TENM2: variants seen among roughly 807,000 people sequenced by gnomAD.
TENM2 encodes the protein teneurin transmembrane protein 2.
TENM2 carries 52 observed loss-of-function variants against 245.2 expected under a neutral mutation model. The observed-to-expected ratio is 0.21, with a 90% CI of 0.17 to 0.27. The LOEUF is 0.27. Among genes scored for constraint, TENM2 ranks in the 10% least tolerant of loss-of-function variants. The pLI is 1.00. For missense variants in TENM2, 3,046 were observed against 3,666.8 expected (o/e 0.83, Z 4.37); for synonymous variants, 1,363 against 1,438.9 (o/e 0.95, Z 1.19).
chr5:167,434,531 T>C (rs938187166), intron 2 of TENM2, among the ~76,000 whole-genome samples: 2 of 151,804 alleles, frequency 1.3e-5, no homozygotes, highest in Non-Finnish European at 1.5e-5. Context: ...CAAATTGTTT[T>C]CAAAATAAGT....
intron 9 of TENM2, among the ~76,000 whole-genome samples, chr5:168,115,583 G>A (rs10073793): frequency 0.84 from 128,253 of 152,090 alleles, 54,321 homozygotes; most frequent in East Asian, 0.97. Flanking sequence ...TCTGCCATCC[G>A]TGACAGCCCA....
chr5:167,929,460 G>A (rs1240802873), intron 3 of TENM2, among the ~76,000 whole-genome samples: 3 of 152,082 alleles, frequency 2.0e-5, no homozygotes, highest in Non-Finnish European at 4.4e-5. Context: ...AGAATACCCT[G>A]CACATTCCCT....
chr5:168,086,439 A>G (rs1406528677), intron 7 of TENM2, among the ~76,000 whole-genome samples: 1 of 152,144 alleles, frequency 6.6e-6, no homozygotes, highest in Non-Finnish European at 1.5e-5. Context: ...CAGCCTTCAC[A>G]TTGCATGCCA....
the TENM2 span, among the ~76,000 whole-genome samples, chr5:167,222,334 G>C: frequency 6.6e-6 from 1 of 152,078 alleles, no homozygotes; most frequent in Non-Finnish European, 1.5e-5. Context: ...AAAACGCAAT[G>C]GTCAGAAGTA....
chr5:167,973,720 C>T (rs560268962), intron 4 of TENM2, among the ~76,000 whole-genome samples: 15 of 152,052 alleles, frequency 9.9e-5, no homozygotes, highest in East Asian at 5.9e-4. Context: ...AGGAAAAGGC[C>T]GGAAGAGCAA....
At chr5:167,574,865 A>G (rs1037565064) in intron 2 of TENM2, among the ~76,000 whole-genome samples, 3 of 152,134 alleles carry the variant, frequency 2.0e-5, no homozygotes, top group Non-Finnish European at 4.4e-5. Flanking sequence ...TTTGTGTGCT[A>G]TGAGAGTTGT....
At chr5:167,443,109 T>C (rs1764961457) in intron 2 of TENM2, among the ~76,000 whole-genome samples, 1 of 152,190 alleles carries the variant, frequency 6.6e-6, no homozygotes, top group African/African-American at 2.4e-5. Flanking sequence ...AAGGAGATGA[T>C]GATAAGGTTT....
At chr5:166,980,951 G>A in the TENM2 span, among the ~76,000 whole-genome samples, 446 of 152,220 alleles carry the variant, frequency 2.9e-3, 3 homozygotes, top group African/African-American at 9.7e-3. Flanking sequence ...CCAAGAATAC[G>A]TTTGCAATAA....
intron 2 of TENM2, among the ~76,000 whole-genome samples, chr5:167,469,918 T>A (rs1292130416): frequency 6.6e-6 from 1 of 152,308 alleles, no homozygotes; most frequent in South Asian, 2.1e-4. Context: ...CATAATCTTA[T>A]AAATTTACCA....
At chr5:167,575,118 G>A (rs200701639) in intron 2 of TENM2, among the ~76,000 whole-genome samples, 470 of 131,840 alleles carry the variant, frequency 3.6e-3, no homozygotes, top group Non-Finnish European at 4.3e-3. Context: ...ATTTGAGAAA[G>A]AAAAAAAAAA....
chr5:167,510,521 A>G (rs12659637), intron 2 of TENM2, among the ~76,000 whole-genome samples: 17,077 of 152,120 alleles, frequency 0.11, 1,070 homozygotes, highest in East Asian at 0.23. Flanking sequence ...TTTATACCAT[A>G]AGTGTTTCTC....
chr5:167,547,872 A>G (rs1273418945), intron 2 of TENM2, among the ~76,000 whole-genome samples: 3 of 152,252 alleles, frequency 2.0e-5, no homozygotes, highest in Admixed American at 2.0e-4. Flanking sequence ...AAAGGTGGAG[A>G]CAAGGATAGG....
At chr5:168,123,216 T>C (rs1278221774) in intron 10 of TENM2, among the ~76,000 whole-genome samples, 1 of 151,968 alleles carries the variant, frequency 6.6e-6, no homozygotes, top group African/African-American at 2.4e-5. Context: ...GTAGGATCAC[T>C]TGAGCTCAGG....
At chr5:167,956,231 A>G (rs1200284644) in intron 4 of TENM2, among the ~76,000 whole-genome samples, 6 of 152,116 alleles carry the variant, frequency 3.9e-5, no homozygotes, top group Non-Finnish European at 2.9e-5. Context: ...CTTTGTAGCA[A>G]TTGTGAATGG....
intron 2 of TENM2, among the ~76,000 whole-genome samples, chr5:167,428,109 T>C (rs1763989058): frequency 6.6e-6 from 1 of 152,230 alleles, no homozygotes; most frequent in South Asian, 2.1e-4. Flanking sequence ...GCAAGTCTTT[T>C]ACTATCTCAA....
At chr5:167,515,684 GAGAGGGAGTCTTGCTC>G (rs1770332666) in intron 2 of TENM2, among the ~76,000 whole-genome samples, 1 of 38,012 alleles carries the variant, frequency 2.6e-5, no homozygotes, top group African/African-American at 9.0e-5. Flanking sequence ...TATATATTTT[GAGAGGGAGTCTTGCTC>G]TGTTGCCCAG....
At chr5:167,533,431 CTTTG>C (rs576094744) in intron 2 of TENM2, among the ~76,000 whole-genome samples, 7 of 151,808 alleles carry the variant, frequency 4.6e-5, no homozygotes, top group South Asian at 2.1e-4. Flanking sequence ...GGTTGTTTTT[CTTTG>C]TTTGTTTGTT....
intron 27 of TENM2, among the ~76,000 whole-genome samples, chr5:168,250,158 GGATGGATGGATGGGTAAATA>G (rs1172911294): frequency 8.4e-6 from 1 of 118,954 alleles, no homozygotes; most frequent in African/African-American, 4.0e-5. Flanking sequence ...ATGGATGGAT[GGATGGATGGATGGGTAAATA>G]GATGGATAAA....
chr5:167,496,548 A>G (rs2127550432), intron 2 of TENM2, among the ~76,000 whole-genome samples: 1 of 152,224 alleles, frequency 6.6e-6, no homozygotes, highest in East Asian at 1.9e-4. Context: ...ATGATTTTAG[A>G]AGGGTATCCA....
Sources: gnomAD v4.1 joint callset for allele counts (sites outside exome capture counted in the v4.1 genomes callset) on GRCh38, gnomAD v4.1.1 for gene constraint, MANE v1.5 for transcripts, NCBI Gene and HGNC (gene_info 2026-07-23, HGNC 2026-07-21) for gene names.